NAA38: variants seen among roughly 807,000 people sequenced by gnomAD.
NAA38 encodes N-alpha-acetyltransferase 38, NatC auxiliary subunit, also known as LSM domain containing 1.
Under a neutral mutation model 12.6 loss-of-function variants are expected in NAA38, and 15 were observed. The observed-to-expected ratio is 1.19, with a 90% CI of 0.79 to 1.83. The LOEUF (loss-of-function observed/expected upper bound fraction) is 1.83. NAA38 is among the 40% of genes most tolerant of loss of function. The pLI is 0.00. For synonymous variants in NAA38, 88 were observed against 69.9 expected (o/e 1.26, Z -1.29); for missense variants, 183 against 171.7 (o/e 1.07, Z -0.37).
rs1567811706 is a variant in NAA38, at chr17:7,857,481, C to T, written c.-18G>A. On this transcript the variant is annotated 5_prime_UTR_variant, in exon 1 of 3. Transcript: ENST00000575771. ...CCGGCCATTTGCCCGGAGGCCTCCT[C>T]TGGGCCTTTCAACTTCCTAAGCACC... 1 of 1,511,784 alleles carries T rather than the reference C, an allele frequency of 6.6e-7. No homozygotes were observed. The highest frequency in any genetic ancestry group is 8.8e-7 in the Non-Finnish European group (1 of 1,130,618). 93.6% of individuals were successfully genotyped at this position (1,511,784 alleles called of 1,614,324 possible).
intron 2 of NAA38, among the ~76,000 whole-genome samples, chr17:7,875,805 C>T (rs1337219669): frequency 6.6e-6 from 1 of 152,156 alleles, no homozygotes; most frequent in Non-Finnish European, 1.5e-5. Context: ...TTAGCAGTCC[C>T]TCCCATTCTT....
At chr17:7,877,386 TA>T (rs1273388891) in intron 2 of NAA38, among the ~76,000 whole-genome samples, 1 of 151,538 alleles carries the variant, frequency 6.6e-6, no homozygotes, top group African/African-American at 2.4e-5. Context: ...TTTTTTTTTT[TA>T]CAAGTTGCTT....
intron 2 of NAA38, among the ~76,000 whole-genome samples, chr17:7,880,890 G>C (rs1044070128): frequency 2.0e-5 from 3 of 152,150 alleles, no homozygotes; most frequent in African/African-American, 7.2e-5. Flanking sequence ...GTGAACGCAT[G>C]CAACCAGTAA....
chr17:7,870,291 A>T (rs1288533948), intron 2 of NAA38, among the ~76,000 whole-genome samples: 1 of 152,174 alleles, frequency 6.6e-6, no homozygotes, highest in African/African-American at 2.4e-5. Context: ...ATAAATTTTT[A>T]AAAGCAGATC....
chr17:7,883,071 A>G (rs1321015359), intron 2 of NAA38, among the ~76,000 whole-genome samples: 2 of 152,214 alleles, frequency 1.3e-5, no homozygotes, highest in African/African-American at 4.8e-5. Context: ...GGCAAGGATC[A>G]TTTTCTGTCT....
chr17:7,884,457 C>CATATATATATATATATATATATGTAT (rs377079849), intron 1 of NAA38, among the ~76,000 whole-genome samples: 1 of 130,834 alleles, frequency 7.6e-6, no homozygotes, highest in East Asian at 2.3e-4. Flanking sequence ...TATATATATA[C>CATATATATATATATATATATATGTAT]ATATATATAT....
chr17:7,883,015 AAG>A (rs1244231070), intron 2 of NAA38, among the ~76,000 whole-genome samples: 6 of 152,220 alleles, frequency 3.9e-5, no homozygotes, highest in African/African-American at 1.4e-4. Flanking sequence ...ACAAGAATGA[AAG>A]AGGGTAGAAC....
intron 2 of NAA38, among the ~76,000 whole-genome samples, chr17:7,869,777 GA>G (rs1055260132): frequency 4.0e-5 from 6 of 150,406 alleles, no homozygotes; most frequent in South Asian, 2.1e-4. Context: ...AAAAAGAAAA[GA>G]AAAAAAAATA....
chr17:7,857,183 G>A lies in NAA38; in HGVS notation c.97C>T (p.Arg33Cys), dbSNP rs908907085. 1 of 1,612,934 alleles carries A rather than the reference G, an allele frequency of 6.2e-7. No homozygotes were observed. Among genetic ancestry groups the A allele is most frequent in the African/African-American group, 1.3e-5 (1 of 74,936 alleles). Residue 33 changes from arginine to cysteine, a missense_variant, in exon 2 of 3, where the codon CGC becomes TGC. Transcript: ENST00000575771. ...SSSAGDSDGEREDSAAERARQ... is the reference protein window; with the variant it reads ...SSSAGDSDGECEDSAAERARQ... ...GCGCGCTCAGCCGCCGAGTCCTCGC[G>A]CTCTCCGTCCGAATCCTGCGCGGGG...
At chr17:7,877,945 T>G (rs555395392) in intron 2 of NAA38, among the ~76,000 whole-genome samples, 1 of 152,340 alleles carries the variant, frequency 6.6e-6, no homozygotes, top group African/African-American at 2.4e-5. Context: ...ACTACTAACT[T>G]GATCTTAGGT....
At chr17:7,881,459 A>G (rs1234290812) in intron 2 of NAA38, among the ~76,000 whole-genome samples, 3 of 151,998 alleles carry the variant, frequency 2.0e-5, no homozygotes, top group Non-Finnish European at 4.4e-5. Flanking sequence ...GGCAAACGTG[A>G]GAGAAGGCAG....
chr17:7,858,386 G>C (rs1423784690), upstream of NAA38: 1 of 1,614,036 alleles, frequency 6.2e-7, no homozygotes, highest in East Asian at 2.2e-5. Flanking sequence ...GACAGTGGCT[G>C]TGCTGCTCTT....
At chr17:7,870,035 T>C (rs16957022) in intron 2 of NAA38, among the ~76,000 whole-genome samples, 28,689 of 152,158 alleles carry the variant, frequency 0.19, 3,303 homozygotes, top group African/African-American at 0.3. Flanking sequence ...CAATGTCAAA[T>C]GGGAAAAAGT....
At chr17:7,867,829 A>G (rs1967016245) in intron 2 of NAA38, among the ~76,000 whole-genome samples, 1 of 152,180 alleles carries the variant, frequency 6.6e-6, no homozygotes, top group Non-Finnish European at 1.5e-5. Flanking sequence ...AGATGAAATG[A>G]AGAGAGAATT....
chr17:7,880,032 G>T (rs1967244340), intron 2 of NAA38, among the ~76,000 whole-genome samples: 1 of 151,910 alleles, frequency 6.6e-6, no homozygotes, highest in Admixed American at 6.6e-5. Context: ...GAGAAGAAGG[G>T]AAGACAGATA....
At chr17:7,871,892 T>A (rs1341724109) in intron 2 of NAA38, among the ~76,000 whole-genome samples, 2 of 152,160 alleles carry the variant, frequency 1.3e-5, no homozygotes, top group Non-Finnish European at 2.9e-5. Context: ...TGACCTCAAG[T>A]GACCCACCCA....
chr17:7,859,702 G>A (rs2078869007), upstream of NAA38: 5 of 1,184,974 alleles, frequency 4.2e-6, no homozygotes, highest in Non-Finnish European at 6.2e-6. Context: ...GCCGAGGGGT[G>A]CCTGGACCCA....
intron 1 of NAA38, among the ~76,000 whole-genome samples, chr17:7,883,693 T>C (rs1019362893): frequency 1.3e-5 from 2 of 152,168 alleles, no homozygotes; most frequent in Non-Finnish European, 1.5e-5. Flanking sequence ...TTAAAAGATA[T>C]GTACACAATT....
At chr17:7,860,925 T>A (rs2078878464), upstream of NAA38, 2 of 152,060 alleles carry the variant, frequency 1.3e-5, no homozygotes, top group Admixed American at 1.3e-4. Context: ...TTAGTGACAC[T>A]TTGGCGAGGG....
Sources: gnomAD v4.1 joint callset for allele counts (sites outside exome capture counted in the v4.1 genomes callset) on GRCh38, gnomAD v4.1.1 for gene constraint, MANE v1.5 for transcripts, NCBI Gene and HGNC (gene_info 2026-07-23, HGNC 2026-07-21) for gene names.